RYR3: variants seen among roughly 807,000 people sequenced by gnomAD.
The protein encoded by RYR3 is ryanodine receptor 3, also known as brain ryanodine receptor-calcium release channel.
RYR3 carries 207 observed loss-of-function variants against 584.3 expected under a neutral mutation model. The observed-to-expected ratio is 0.35, with a 90% CI of 0.32 to 0.40. RYR3 has a LOEUF of 0.40. Among genes scored for constraint, RYR3 ranks in the 10% least tolerant of loss-of-function variants. The pLI is 1.00. For missense variants in RYR3, 5,616 were observed against 6,089.2 expected (o/e 0.92, Z 2.59); for synonymous variants, 2,416 against 2,248.5 (o/e 1.07, Z -2.11).
intron 5 of RYR3, among the ~76,000 whole-genome samples, chr15:33,537,955 C>A (rs984735114): frequency 2.0e-5 from 3 of 151,828 alleles, no homozygotes; most frequent in Non-Finnish European, 4.4e-5. Context: ...AAGAATTTTT[C>A]AGCTTTATCC....
chr15:33,780,686 C>G (rs1487071258), intron 65 of RYR3, among the ~76,000 whole-genome samples: 1 of 152,144 alleles, frequency 6.6e-6, no homozygotes, highest in Admixed American at 6.5e-5. Flanking sequence ...CAGTGCCTCT[C>G]CAGAGTGGTA....
chr15:33,472,909 C>T (rs551289167), intron 1 of RYR3, among the ~76,000 whole-genome samples: 1 of 152,250 alleles, frequency 6.6e-6, no homozygotes, highest in African/African-American at 2.4e-5. Context: ...CCATCTCTGG[C>T]AAATATGCGG....
intron 1 of RYR3, among the ~76,000 whole-genome samples, chr15:33,433,936 C>T (rs1477187880): frequency 2.6e-5 from 4 of 152,190 alleles, no homozygotes; most frequent in Non-Finnish European, 4.4e-5. Context: ...AATCATTATA[C>T]TTAATCTTTT....
chr15:33,793,541 T>C (rs762903098), intron 67 of RYR3, among the ~76,000 whole-genome samples: 2 of 151,792 alleles, frequency 1.3e-5, no homozygotes, highest in Non-Finnish European at 2.9e-5. Flanking sequence ...TTATATATAA[T>C]AAAAAAAACT....
intron 16 of RYR3, among the ~76,000 whole-genome samples, chr15:33,588,407 C>T (rs1233847992): frequency 1.3e-5 from 2 of 152,144 alleles, no homozygotes; most frequent in Non-Finnish European, 2.9e-5. Context: ...TTATAATTAT[C>T]TAAATACAAA....
chr15:33,550,238 A>G lies in RYR3; in HGVS notation c.894A>G (p.Thr298=), dbSNP rs1246086996. ...HLTTGHYLAL[T]EDQGLILQDR... Reference sequence around the variant, plus strand: ...CCACAGGCCACTACCTGGCCTTGACAGAAGACCAAGGCCTTATACTGCAAG... The same window carrying G: ...CCACAGGCCACTACCTGGCCTTGACGGAAGACCAAGGCCTTATACTGCAAG... The change falls in exon 10 of 104, where the codon ACA becomes ACG. Residue 298 remains threonine, a synonymous_variant. Transcript: ENST00000634891. The G allele has an allele frequency of 6.2e-7, 1 of 1,613,724 alleles. No individual in the cohort carries two copies. The highest frequency in any genetic ancestry group is 8.5e-7 in the Non-Finnish European group (1 of 1,179,752).
At chr15:33,522,433 C>A (rs935393593) in intron 3 of RYR3, among the ~76,000 whole-genome samples, 1 of 152,156 alleles carries the variant, frequency 6.6e-6, no homozygotes, top group Non-Finnish European at 1.5e-5. Context: ...GGGGGAAAAA[C>A]CTCTTCACAA....
chr15:33,643,643 G>C (rs2061949914), intron 27 of RYR3, among the ~76,000 whole-genome samples: 1 of 152,022 alleles, frequency 6.6e-6, no homozygotes, highest in African/African-American at 2.4e-5. Flanking sequence ...AAACTTCTTA[G>C]AATCCTACTC....
chr15:33,695,645 G>A (rs1273348463), intron 38 of RYR3, among the ~76,000 whole-genome samples: 1 of 152,200 alleles, frequency 6.6e-6, no homozygotes, highest in African/African-American at 2.4e-5. Context: ...GTGGATGCAA[G>A]TATTGTTTAA....
At chr15:33,468,690 G>A (rs1047270085) in intron 1 of RYR3, among the ~76,000 whole-genome samples, 5 of 152,186 alleles carry the variant, frequency 3.3e-5, no homozygotes, top group African/African-American at 1.2e-4. Flanking sequence ...TAATTAAATA[G>A]GGTTGCAGTG....
At chr15:33,559,688 G>A (rs1307646982) in intron 10 of RYR3, among the ~76,000 whole-genome samples, 27 of 152,192 alleles carry the variant, frequency 1.8e-4, no homozygotes, top group Admixed American at 1.8e-3. Context: ...AGCTAGAGGA[G>A]GTCTGGCTGT....
Position 33,830,944 on chromosome 15 carries a change from T to C in RYR3, c.11335-19T>C. The C allele has an allele frequency of 6.2e-7, 1 of 1,611,596 alleles. No individual in the cohort carries two copies. Among genetic ancestry groups the C allele is most frequent in the South Asian group, 1.1e-5 (1 of 90,698 alleles). The stretch of plus-strand genomic sequence containing the variant: ...GACTGAAGTCTGAGAAATACTAAGC[T>C]CTACTCATTTGTTTTTAGGAATCAA... On this transcript the variant is annotated intron_variant, in intron 85 of 103. Coordinates refer to ENST00000634891, the MANE Select transcript of RYR3 (RefSeq NM_001036.6).
chr15:33,673,020 T>A (rs2063941905), intron 38 of RYR3, among the ~76,000 whole-genome samples: 1 of 152,200 alleles, frequency 6.6e-6, no homozygotes, highest in Non-Finnish European at 1.5e-5. Flanking sequence ...AGGTCTTCTG[T>A]CTCTTTGTAT....
At position 33,731,636 on chromosome 15, in the gene RYR3, C is replaced by T. The variant is rs770600412; in HGVS notation, c.7366C>T (p.Arg2456Cys). The change falls in exon 48 of 104, where the codon CGT (arginine) becomes TGT (cysteine). Residue 2456 changes from arginine (R) to cysteine (C), a missense_variant. By Grantham distance (180) the Arg-to-Cys change is radical. Transcript: ENST00000634891. ...LQTIYRLSKG[R>C]SLTKAQRDTI... ...GACAATATACAGGCTATCCAAGGGACGTTCCCTCACCAAAGCACAAAGGGA... is the reference window on the plus strand; with the variant it reads ...GACAATATACAGGCTATCCAAGGGATGTTCCCTCACCAAAGCACAAAGGGA... The T allele has an allele frequency of 6.8e-5, 109 of 1,613,696 alleles. No individual in the cohort carries two copies. The highest frequency in any genetic ancestry group is 8.6e-5 in the Non-Finnish European group (101 of 1,179,726).
At chr15:33,674,993 G>T (rs1007730562) in intron 38 of RYR3, among the ~76,000 whole-genome samples, 5 of 152,192 alleles carry the variant, frequency 3.3e-5, no homozygotes, top group Non-Finnish European at 7.3e-5. Context: ...TACTGGGGAG[G>T]CTGAAGCAGG....
intron 48 of RYR3, among the ~76,000 whole-genome samples, chr15:33,733,561 A>G (rs1395568289): frequency 1.3e-5 from 2 of 152,228 alleles, no homozygotes; most frequent in East Asian, 3.8e-4. Context: ...CTAAGGAAAC[A>G]GTGAAAAGAT....
At chr15:33,544,354 A>G (rs1465479955) in intron 8 of RYR3, among the ~76,000 whole-genome samples, 3 of 152,112 alleles carry the variant, frequency 2.0e-5, no homozygotes, top group African/African-American at 7.2e-5. Flanking sequence ...TAAAAAAAAA[A>G]TCAAACCTCA....
intron 1 of RYR3, among the ~76,000 whole-genome samples, chr15:33,469,832 G>T (rs2048786512): frequency 1.3e-5 from 2 of 152,192 alleles, no homozygotes; most frequent in African/African-American, 4.8e-5. Flanking sequence ...CAATCGTTGA[G>T]CAGTCCCTTA....
chr15:33,477,652 G>A (rs997348632), intron 2 of RYR3, among the ~76,000 whole-genome samples: 2 of 151,070 alleles, frequency 1.3e-5, no homozygotes, highest in Non-Finnish European at 2.9e-5. Context: ...GAGATGGGCG[G>A]ATCACGAGGT....
Sources: allele counts gnomAD v4.1 joint callset (sites outside exome capture counted in the v4.1 genomes callset), GRCh38; gene constraint gnomAD v4.1.1; transcripts MANE v1.5; gene names NCBI Gene and HGNC (gene_info 2026-07-23, HGNC 2026-07-21).